Variants in CEP128 observed in about 807,000 individuals in gnomAD.
CEP128 encodes the protein centrosomal protein 128kDa.
CEP128 carries 132 observed loss-of-function variants against 156.7 expected under a neutral mutation model. The ratio of observed to expected loss-of-function variants is 0.84; its 90% CI spans 0.73 to 0.97. The LOEUF is 0.97. CEP128 is among the 50% of genes least tolerant of loss of function. The probability of loss-of-function intolerance (pLI) is 0.00; values close to 1 mark genes in which losing one functional copy is unlikely to be tolerated. For synonymous variants in CEP128, 469 were observed against 448.9 expected, an observed-to-expected ratio of 1.04 and a Z score of -0.57; for missense variants, 1,252 against 1,281.9, an observed-to-expected ratio of 0.98 and a Z score of 0.36.
chr14:80,738,249 G>A lies in CEP128; in HGVS notation c.2806+4826C>T, dbSNP rs968227428. Among the ~76,000 whole-genome samples the A allele has an allele frequency of 1.2e-4, 18 of 152,144 alleles. 1 individual carries two copies. Among genetic ancestry groups the A allele is most frequent in the Admixed American group, 1.0e-3 (16 of 15,258 alleles). ...ATGTTAGAAAAGATACCTACAGTTC[G>A]AGAGTCCCTCCGTTATTTCTGTCCC... is the stretch of plus-strand genomic sequence containing the variant. On this transcript the variant is annotated intron_variant, in intron 19 of 24. Coordinates refer to ENST00000555265, the MANE Select transcript of CEP128 (RefSeq NM_152446.5).
In CEP128 at chr14:80,740,543, T is replaced by TAGACAGAC. The variant is rs376925365; in HGVS notation, c.2806+2524_2806+2531dup. ...ATAGATAGATAGATAGATAGATAGA[T>TAGACAGAC]AGACAGACAGATAGATAGAAATGAT... On this transcript the variant is annotated intron_variant, in intron 19 of 24. Transcript: ENST00000555265. Among the ~76,000 whole-genome samples the TAGACAGAC allele has an allele frequency of 1.1e-4, 15 of 142,856 alleles. No homozygotes were observed. In the East Asian group the frequency reaches 1.1e-3, roughly 10 times the overall value. 93.7% of individuals were successfully genotyped at this position (142,856 alleles called of 152,430 possible). A position where few individuals can be genotyped will look rare whatever the true frequency, so the allele number is the denominator to read the frequency against.
chr14:80,826,839 G>A (rs1347383138), intron 13 of CEP128, among the ~76,000 whole-genome samples: 1 of 151,998 alleles, frequency 6.6e-6, no homozygotes, highest in Non-Finnish European at 1.5e-5. Flanking sequence ...GACGGAAGAT[G>A]GAGGCAAAGA....
At chr14:80,750,129 T>C (rs1033210197) in intron 18 of CEP128, among the ~76,000 whole-genome samples, 1 of 152,152 alleles carries the variant, frequency 6.6e-6, no homozygotes, top group African/African-American at 2.4e-5. Flanking sequence ...TGATGGCAAA[T>C]GTGAGTAATC....
At chr14:80,659,918 A>G (rs919148070) in intron 19 of CEP128, among the ~76,000 whole-genome samples, 2 of 152,108 alleles carry the variant, frequency 1.3e-5, no homozygotes. Context: ...GGGGTTTGGG[A>G]GGTCTTTTAC....
At chr14:80,634,659 C>T (rs1294186543) in intron 19 of CEP128, among the ~76,000 whole-genome samples, 1 of 152,144 alleles carries the variant, frequency 6.6e-6, no homozygotes, top group African/African-American at 2.4e-5. Context: ...GAGAAGCCAA[C>T]CTCGCAAGTT....
chr14:80,887,533 G>C (rs1481788351), intron 8 of CEP128, among the ~76,000 whole-genome samples: 1 of 152,124 alleles, frequency 6.6e-6, no homozygotes, highest in African/African-American at 2.4e-5. Context: ...TGACTACTAG[G>C]TAAATAACAA....
chr14:80,887,343 T>C (rs982018081), intron 8 of CEP128, among the ~76,000 whole-genome samples: 4 of 152,158 alleles, frequency 2.6e-5, no homozygotes, highest in Non-Finnish European at 5.9e-5. Context: ...TAGCACTGCA[T>C]AGCACTTATT....
intron 19 of CEP128, among the ~76,000 whole-genome samples, chr14:80,659,946 C>T (rs1422400256): frequency 6.6e-6 from 1 of 152,108 alleles, no homozygotes; most frequent in Non-Finnish European, 1.5e-5. Flanking sequence ...CAACCCTAGA[C>T]TTTCCTGGAA....
intron 8 of CEP128, among the ~76,000 whole-genome samples, chr14:80,888,975 A>G (rs142493265): frequency 2.1e-4 from 32 of 152,340 alleles, no homozygotes; most frequent in Middle Eastern, 3.4e-3. Context: ...AAGCATTCCT[A>G]TACACCAATA....
At chr14:80,715,415 T>C (rs1897569005) in intron 19 of CEP128, among the ~76,000 whole-genome samples, 1 of 152,200 alleles carries the variant, frequency 6.6e-6, no homozygotes, top group Non-Finnish European at 1.5e-5. Flanking sequence ...GCTCCTGCTA[T>C]TTGCTAGGCA....
chr14:80,622,624 C>A (rs1434614467), intron 19 of CEP128, among the ~76,000 whole-genome samples: 2 of 149,984 alleles, frequency 1.3e-5, no homozygotes, highest in Non-Finnish European at 3.0e-5. Flanking sequence ...AAAAAACTAA[C>A]AACCCCATCA....
chr14:80,945,781 G>C (rs530742822), upstream of CEP128: 18 of 152,378 alleles, frequency 1.2e-4, no homozygotes, highest in African/African-American at 4.1e-4. Flanking sequence ...CACAGACAGA[G>C]AGAAGTGAGT....
At chr14:80,703,318 C>T (rs1897135411) in intron 19 of CEP128, among the ~76,000 whole-genome samples, 1 of 152,120 alleles carries the variant, frequency 6.6e-6, no homozygotes, top group East Asian at 1.9e-4. Context: ...TAGCATCTTC[C>T]ATCAGACTGC....
At chr14:80,685,253 G>C (rs1869642969) in intron 19 of CEP128, among the ~76,000 whole-genome samples, 1 of 151,884 alleles carries the variant, frequency 6.6e-6, no homozygotes, top group Non-Finnish European at 1.5e-5. Context: ...GTAAAGTTTT[G>C]GGACACAAAA....
intron 18 of CEP128, among the ~76,000 whole-genome samples, chr14:80,747,987 T>C (rs1281777590): frequency 1.3e-5 from 2 of 152,224 alleles, no homozygotes. Flanking sequence ...AAGCATTAAA[T>C]GGTGCATTCT....
chr14:80,934,358 A>T (rs1384856983), intron 2 of CEP128, among the ~76,000 whole-genome samples: 1 of 152,238 alleles, frequency 6.6e-6, no homozygotes, highest in African/African-American at 2.4e-5. Context: ...GGTCAACAGG[A>T]AATGTTTTTT....
At chr14:80,658,951 T>C (rs1895286529) in intron 19 of CEP128, among the ~76,000 whole-genome samples, 1 of 152,170 alleles carries the variant, frequency 6.6e-6, no homozygotes, top group South Asian at 2.1e-4. Context: ...ATGCAACTTT[T>C]GTTTCAATGT....
In CEP128 at chr14:80,838,264, C is replaced by T. The variant is rs759232775; in HGVS notation, c.864G>A (p.Leu288=). 1.2e-6 allele frequency: 2 copies of T among 1,612,820 alleles called. No homozygotes were observed. The highest frequency in any genetic ancestry group is 1.7e-6 in the Non-Finnish European group (2 of 1,179,186). ...ETEKNQLEQE[L]ELSRRLLNQS... The stretch of plus-strand genomic sequence containing the variant: ...GATTCAATAACCTTCGAGATAGCTC[C>T]AATTCCTGTTCAAGCTAGAGTTTCA... Residue 288 remains leucine (L), a synonymous_variant, in exon 11 of 25, where the codon TTG becomes TTA. Transcript: ENST00000555265.
At chr14:80,594,929 A>G (rs192611501) in intron 19 of CEP128, among the ~76,000 whole-genome samples, 72 of 152,344 alleles carry the variant, frequency 4.7e-4, no homozygotes, top group African/African-American at 1.7e-3. Context: ...TTCCTCAAGG[A>G]TCTAGAACCA....
Sources: gnomAD v4.1 joint callset for allele counts (sites outside exome capture counted in the v4.1 genomes callset) on GRCh38, gnomAD v4.1.1 for gene constraint, MANE v1.5 for transcripts, NCBI Gene and HGNC (gene_info 2026-07-23, HGNC 2026-07-21) for gene names.